The following KLHL13 variants were observed in gnomAD, a reference collection of about 807,000 sequenced individuals.
KLHL13 encodes the protein kelch like family member 13.
A neutral mutation model predicts 37.1 loss-of-function variants in KLHL13; 10 were observed. The ratio of observed to expected loss-of-function variants is 0.27; its 90% CI spans 0.17 to 0.46. The LOEUF is 0.46. Ranked by LOEUF, KLHL13 falls within the 20% of genes least tolerant of loss-of-function variation. The pLI, the probability that KLHL13 is intolerant of heterozygous loss-of-function variation, is 1.00. For missense variants in KLHL13, 360 were observed against 509.3 expected, an observed-to-expected ratio of 0.71 and a Z score of 2.82; for synonymous variants, 163 against 181.2, an observed-to-expected ratio of 0.90 and a Z score of 0.81.
chrX:117,975,293 C>T (rs1274955770), upstream of KLHL13, among the ~76,000 whole-genome samples: 1 of 111,881 alleles, frequency 8.9e-6, no homozygotes, highest in Non-Finnish European at 1.9e-5. Flanking sequence ...CATTTGCAAA[C>T]ATTTAAAAAT....
exon 5 of KLHL13, chrX:117,909,376 G>A: frequency 5.0e-6 from 6 of 1,210,625 alleles, no homozygotes; most frequent in Non-Finnish European, 6.7e-6. Context: ...AAGAAGGTGC[G>A]CTTTTCATTT....
At chrX:118,046,802 A>T (rs2054565686) in intron 1 of KLHL13, among the ~76,000 whole-genome samples, 1 of 111,907 alleles carries the variant, frequency 8.9e-6, no homozygotes, top group Non-Finnish European at 1.9e-5. Flanking sequence ...GGTAGGAGGG[A>T]AACTATGAGA....
intron 1 of KLHL13, among the ~76,000 whole-genome samples, chrX:118,024,644 A>C (rs1443915109): frequency 8.9e-6 from 1 of 112,050 alleles, no homozygotes; most frequent in Non-Finnish European, 1.9e-5. Context: ...TATTCATATC[A>C]TTACACATGA....
At chrX:118,072,832 T>G (rs1299897555) in intron 1 of KLHL13, among the ~76,000 whole-genome samples, 2 of 111,543 alleles carry the variant, frequency 1.8e-5, no homozygotes, top group Non-Finnish European at 3.8e-5. Flanking sequence ...TAGTGACACA[T>G]ACCTGTAATC....
rs754825408 is a variant in KLHL13, at chrX:117,915,897, G to A, written c.570+3624C>T. 5.1e-4 allele frequency among the ~76,000 whole-genome samples: 57 copies of A among 112,749 alleles called. 1 individual carries two copies. Among genetic ancestry groups the A allele is most frequent in the Non-Finnish European group, 6.6e-4 (35 of 53,294 alleles). Reference sequence around the variant, plus strand: ...AATGGGGCTGGGCGCGGTGGCTCACGCCTGTAATCCCAGTGCTTTGGGAGG... The same window carrying A: ...AATGGGGCTGGGCGCGGTGGCTCACACCTGTAATCCCAGTGCTTTGGGAGG... On this transcript the variant is annotated intron_variant, in intron 4 of 6. Coordinates refer to ENST00000262820, the Ensembl canonical transcript of KLHL13.
intron 1 of KLHL13, among the ~76,000 whole-genome samples, chrX:118,108,814 A>G (rs1424807603): frequency 2.8e-5 from 3 of 107,866 alleles, no homozygotes; most frequent in Non-Finnish European, 5.8e-5. Flanking sequence ...ATTTTTTTAG[A>G]TTTTTTTTTT....
At chrX:118,080,638 G>A (rs998185448) in intron 1 of KLHL13, among the ~76,000 whole-genome samples, 1 of 111,987 alleles carries the variant, frequency 8.9e-6, no homozygotes, top group Non-Finnish European at 1.9e-5. Flanking sequence ...GCAGAGAAAA[G>A]GGAACACTTA....
At chrX:118,030,663 T>C (rs761997334) in intron 1 of KLHL13, among the ~76,000 whole-genome samples, 1 of 112,176 alleles carries the variant, frequency 8.9e-6, no homozygotes, top group South Asian at 3.7e-4. Context: ...AATGCCATTA[T>C]CATGGGAATG....
At chrX:117,965,895 G>A (rs1157494366) in intron 1 of KLHL13, among the ~76,000 whole-genome samples, 27 of 111,310 alleles carry the variant, frequency 2.4e-4, no homozygotes, top group Non-Finnish European at 3.0e-4. Flanking sequence ...GGTATTGATG[G>A]GATGTATCTC....
intron 2 of KLHL13, among the ~76,000 whole-genome samples, chrX:117,932,669 GC>G (rs1313273118): frequency 9.0e-6 from 1 of 111,704 alleles, no homozygotes; most frequent in Admixed American, 9.5e-5. Flanking sequence ...GAACACTACT[GC>G]AATAAACATG....
intron 6 of KLHL13, 128 bp from the exon 8 acceptor site, chrX:117,899,523 A>T: frequency 2.0e-6 from 1 of 493,507 alleles, no homozygotes; most frequent in Non-Finnish European, 3.3e-6. Context: ...TGTTCTTAGG[A>T]CTGTCTTCCC....
chrX:117,920,409 AAATG>A (rs776260618), intron 2 of KLHL13, 39 bp from the exon 4 acceptor site: 3 of 1,180,074 alleles, frequency 2.5e-6, no homozygotes, highest in Non-Finnish European at 3.4e-6. Context: ...AATCAAGGTA[AAATG>A]AGGTTACAAA....
rs201297076 is a variant in KLHL13, at chrX:118,012,069, G to A, written c.-55-66494C>T. Among the ~76,000 whole-genome samples, 13 of 111,907 alleles carry A rather than the reference G, an allele frequency of 1.2e-4. No homozygotes were observed. The East Asian group carries it at 2.5e-3, about 22-fold the overall frequency. ...AAACCAGTGCCAGCACTGAAACTGA[G>A]ACCTGGCAATGTTGTTGCTTTTTAA... On this transcript the variant is annotated intron_variant, in intron 1 of 6. Transcript: ENST00000371882.
At chrX:118,014,778 T>A (rs889853913) in intron 1 of KLHL13, among the ~76,000 whole-genome samples, 22 of 112,308 alleles carry the variant, frequency 2.0e-4, no homozygotes. Flanking sequence ...CATTGAAATA[T>A]TGGGGGCTGA....
intron 1 of KLHL13, among the ~76,000 whole-genome samples, chrX:117,958,959 A>T (rs1434934744): frequency 8.9e-6 from 1 of 111,961 alleles, no homozygotes; most frequent in East Asian, 2.8e-4. Context: ...TATTTGTTCC[A>T]GATCAGGCTA....
intron 1 of KLHL13, among the ~76,000 whole-genome samples, chrX:118,052,389 G>A (rs1436415483): frequency 9.4e-6 from 1 of 106,362 alleles, no homozygotes; most frequent in Non-Finnish European, 1.9e-5. Flanking sequence ...CAGGCGTGGT[G>A]GCAGGCGCCT....
intron 5 of KLHL13, among the ~76,000 whole-genome samples, chrX:117,905,631 T>C (rs1035271485): frequency 2.7e-5 from 3 of 111,022 alleles, no homozygotes; most frequent in African/African-American, 9.8e-5. Flanking sequence ...TGATCTAAAC[T>C]GTCTTGCAAA....
exon 5 of KLHL13, chrX:117,909,646 G>T (rs1453620324): frequency 8.3e-7 from 1 of 1,211,473 alleles, no homozygotes; most frequent in Non-Finnish European, 1.1e-6. Flanking sequence ...GTAACCAAGT[G>T]AGTGGTGTCA....
exon 7 of KLHL13, chrX:117,899,160 G>A (rs1929928040): frequency 8.3e-7 from 1 of 1,211,446 alleles, no homozygotes. Context: ...CTCTTAACAT[G>A]GCAGCAATTG....
Sources: allele counts gnomAD v4.1 joint callset (sites outside exome capture counted in the v4.1 genomes callset), GRCh38; gene constraint gnomAD v4.1.1; transcripts MANE v1.5; gene names NCBI Gene and HGNC (gene_info 2026-07-23, HGNC 2026-07-21).